The following PDE1A variants were observed in gnomAD, a reference collection of about 807,000 sequenced individuals.
The protein encoded by PDE1A is dual specificity calcium/calmodulin-dependent 3',5'-cyclic nucleotide phosphodiesterase 1A.
In PDE1A, 35 loss-of-function variants were observed where a neutral mutation model predicts 61.7. That is an observed-to-expected ratio of 0.57 (90% confidence interval 0.43 to 0.75). The LOEUF is 0.75. Among genes scored for constraint, PDE1A ranks in the 30% least tolerant of loss-of-function variants. The pLI, the probability that PDE1A is intolerant of heterozygous loss-of-function variation, is 0.00. For missense variants in PDE1A, 597 were observed against 630.6 expected (o/e 0.95, Z 0.57); for synonymous variants, 232 against 213.2 (o/e 1.09, Z -0.77).
chr2:182,644,640 G>A, the PDE1A span, among the ~76,000 whole-genome samples: 2 of 152,082 alleles, frequency 1.3e-5, no homozygotes, highest in Non-Finnish European at 2.9e-5. Context: ...CTTTGGCAAG[G>A]ACGTCATCTC....
chr2:182,477,205 C>T (rs11900878), intron 2 of PDE1A, among the ~76,000 whole-genome samples: 10,414 of 151,770 alleles, frequency 0.069, 1,160 homozygotes, highest in African/African-American at 0.24. Flanking sequence ...CGGGGTAATG[C>T]AAAATAATTC....
At position 182,265,175 on chromosome 2, in the gene PDE1A, G is replaced by T. The variant is rs529147385; in HGVS notation, c.54-761C>A. 3.3e-5 allele frequency among the ~76,000 whole-genome samples: 5 copies of T among 150,766 alleles called. No individual in the cohort carries two copies. In the Admixed American group the frequency reaches 3.3e-4, roughly 10 times the overall value. On this transcript the variant is annotated intron_variant, in intron 1 of 13. Transcript: ENST00000351439. ...TACAGTGTACACTGCTCGGGTGATG[G>T]GTGCACAAAAATCCCAGAAATCACC...
intron 1 of PDE1A, among the ~76,000 whole-genome samples, chr2:182,301,038 G>A (rs942670650): frequency 7.9e-5 from 12 of 152,102 alleles, no homozygotes; most frequent in South Asian, 2.1e-4. Flanking sequence ...TTAGATATGG[G>A]TTTAGCTTTT....
At chr2:182,381,071 A>C (rs1339997764) in intron 1 of PDE1A, among the ~76,000 whole-genome samples, 10 of 152,236 alleles carry the variant, frequency 6.6e-5, no homozygotes, top group Admixed American at 6.5e-4. Context: ...AGCTCTAAGC[A>C]CTTAGAATCT....
intron 1 of PDE1A, among the ~76,000 whole-genome samples, chr2:182,381,347 C>T (rs11676337): frequency 0.36 from 54,702 of 151,884 alleles, 10,695 homozygotes; most frequent in East Asian, 0.52. Context: ...TCTGAATTCA[C>T]TGTTGGGATA....
the PDE1A span, among the ~76,000 whole-genome samples, chr2:182,709,946 GAGTGC>G: frequency 6.6e-6 from 1 of 152,156 alleles, no homozygotes; most frequent in African/African-American, 2.4e-5. Flanking sequence ...TGCCAGGCTG[GAGTGC>G]AGTGGCATGA....
At chr2:182,456,247 C>T (rs1175243036) in intron 2 of PDE1A, among the ~76,000 whole-genome samples, 2 of 151,984 alleles carry the variant, frequency 1.3e-5, no homozygotes, top group Non-Finnish European at 2.9e-5. Flanking sequence ...AATCGGCCCC[C>T]CTTCCCAAGC....
At chr2:182,527,325 AAAATATATATATATATATATATATATAT>A (rs1690790668), upstream of PDE1A, among the ~76,000 whole-genome samples, 3 of 38,132 alleles carry the variant, frequency 7.9e-5, no homozygotes, top group Admixed American at 4.3e-4. Flanking sequence ...AAAAAAAAAA[AAAATATATATATATATATATATATATAT>A]ATATATATAT....
intron 4 of PDE1A, among the ~76,000 whole-genome samples, chr2:182,232,459 A>G (rs1689659577): frequency 6.6e-6 from 1 of 152,234 alleles, no homozygotes; most frequent in South Asian, 2.1e-4. Context: ...GTGCTATAAT[A>G]TGCTAGAACC....
At chr2:182,360,632 CTTATT>C (rs1699448898) in intron 1 of PDE1A, among the ~76,000 whole-genome samples, 1 of 147,898 alleles carries the variant, frequency 6.8e-6, no homozygotes, top group Non-Finnish European at 1.5e-5. Flanking sequence ...CAAAAATATT[CTTATT>C]TTAATTTCCT....
intron 10 of PDE1A, among the ~76,000 whole-genome samples, chr2:182,197,138 T>C (rs1686198688): frequency 6.6e-6 from 1 of 151,924 alleles, no homozygotes; most frequent in Admixed American, 6.6e-5. Context: ...CTATATGATA[T>C]TTCATTATGG....
intron 1 of PDE1A, among the ~76,000 whole-genome samples, chr2:182,295,848 C>T (rs1228909707): frequency 6.6e-6 from 1 of 151,922 alleles, no homozygotes; most frequent in Non-Finnish European, 1.5e-5. Flanking sequence ...ACTATTGATT[C>T]CTTATAAGGA....
chr2:182,311,006 A>C (rs1030478203), intron 1 of PDE1A, among the ~76,000 whole-genome samples: 1 of 150,420 alleles, frequency 6.6e-6, no homozygotes, highest in Non-Finnish European at 1.5e-5. Context: ...TACAGAAGAC[A>C]CAGTGGAGGA....
At chr2:182,379,547 A>C (rs1170395572) in intron 1 of PDE1A, among the ~76,000 whole-genome samples, 2 of 152,222 alleles carry the variant, frequency 1.3e-5, no homozygotes, top group Non-Finnish European at 2.9e-5. Flanking sequence ...TTAACAGCAC[A>C]AACAGGAATA....
intron 2 of PDE1A, among the ~76,000 whole-genome samples, chr2:182,475,726 C>T (rs1420994988): frequency 6.6e-6 from 1 of 151,822 alleles, no homozygotes; most frequent in South Asian, 2.1e-4. Flanking sequence ...AGTTAATATA[C>T]AACTTCATTT....
chr2:182,620,078 C>T, the PDE1A span, among the ~76,000 whole-genome samples: 28 of 152,202 alleles, frequency 1.8e-4, no homozygotes, highest in East Asian at 4.2e-3. Context: ...AGGGGATGAA[C>T]ATTCAAACCA....
chr2:182,324,801 C>A (rs1389363079), intron 1 of PDE1A, among the ~76,000 whole-genome samples: 2 of 152,160 alleles, frequency 1.3e-5, no homozygotes, highest in Non-Finnish European at 2.9e-5. Context: ...GCCCTCAATG[C>A]AAAACCAAGT....
intron 1 of PDE1A, among the ~76,000 whole-genome samples, chr2:182,416,921 A>AT (rs1253395062): frequency 6.6e-6 from 1 of 152,180 alleles, no homozygotes; most frequent in Admixed American, 6.5e-5. Flanking sequence ...TGTTCAGAGT[A>AT]TCTCAGGGGA....
At chr2:182,693,654 T>G in the PDE1A span, among the ~76,000 whole-genome samples, 1 of 150,092 alleles carries the variant, frequency 6.7e-6, no homozygotes, top group African/African-American at 2.4e-5. Context: ...TTTTTTTTTT[T>G]TCTTTTTGAG....
Sources: allele counts gnomAD v4.1 joint callset (sites outside exome capture counted in the v4.1 genomes callset), GRCh38; gene constraint gnomAD v4.1.1; transcripts MANE v1.5; gene names NCBI Gene and HGNC (gene_info 2026-07-23, HGNC 2026-07-21).